MCF2L: variants seen among roughly 807,000 people sequenced by gnomAD.
MCF2L encodes the protein guanine nucleotide exchange factor DBS.
In MCF2L, 97 loss-of-function variants were observed where a neutral mutation model predicts 153.4. The ratio of observed to expected loss-of-function variants is 0.63; its 90% CI spans 0.54 to 0.75. MCF2L has a LOEUF of 0.75. Among genes scored for constraint, MCF2L ranks in the 30% least tolerant of loss-of-function variants. The probability of loss-of-function intolerance (pLI) is 0.00; values close to 1 mark genes in which losing one functional copy is unlikely to be tolerated. For synonymous variants in MCF2L, 659 were observed against 632.2 expected (o/e 1.04, Z -0.64); for missense variants, 1,347 against 1,495.2 (o/e 0.90, Z 1.64).
intron 2 of MCF2L, among the ~76,000 whole-genome samples, chr13:112,925,557 T>C (rs1255942990): frequency 1.3e-5 from 2 of 152,134 alleles, no homozygotes; most frequent in African/African-American, 4.8e-5. Flanking sequence ...AATAAACCAC[T>C]ACAACATGCC....
chr13:113,090,045 A>G lies in MCF2L; in HGVS notation c.2953+317A>G, dbSNP rs115699323. ...CATCGGGTTGCGATGCCCTCTGCAT[A>G]GTTTCTTTCTCTTCCTTCATAGATG... On this transcript the variant is annotated intron_variant, in intron 26 of 29. Coordinates refer to ENST00000535094, the MANE Select transcript of MCF2L (RefSeq NM_001112732.3). The G allele has an allele frequency of 7.3e-4, 1,155 of 1,584,678 alleles. 8 individuals are homozygous for G. The African/African-American group carries it at 0.013, about 18-fold the overall frequency.
upstream of MCF2L, chr13:112,965,923 AC>A (rs940776518): frequency 2.0e-4 from 30 of 152,014 alleles, no homozygotes; most frequent in Admixed American, 1.9e-3. Flanking sequence ...CCTGTCGGGA[AC>A]TCTGTGGATG....
rs1459468426 is a variant in MCF2L at position 113,028,303 on chromosome 13, A to AT, written c.278+3546dup. On this transcript the variant is annotated intron_variant, in intron 3 of 29. Transcript: ENST00000535094. The surrounding 1 kb of genome is among the most constrained non-coding windows in gnomAD (Gnocchi z 5.4). ...AATCTGCAGCACTCAAAGGCCACCC[A>AT]TCAAGGCCATAAGAGTGTGGTAGGC... 6.6e-6 allele frequency among the ~76,000 whole-genome samples: 1 copy of AT among 152,282 alleles called. No individual in the cohort carries two copies. Among genetic ancestry groups the AT allele is most frequent in the East Asian group, 1.9e-4 (1 of 5,172 alleles).
intron 2 of MCF2L, among the ~76,000 whole-genome samples, chr13:112,944,023 G>GTCCCGGGT (rs1482858203): frequency 6.7e-6 from 1 of 149,364 alleles, no homozygotes; most frequent in African/African-American, 2.5e-5. Context: ...TGAGGGGAGG[G>GTCCCGGGT]GAGGATCCTA....
At chr13:113,026,121 G>C (rs373422933) in intron 3 of MCF2L, among the ~76,000 whole-genome samples, 35 of 45,306 alleles carry the variant, frequency 7.7e-4, no homozygotes, top group Non-Finnish European at 1.2e-3. Flanking sequence ...TTTCATCATG[G>C]TGGGGTCCCC....
At chr13:113,033,319 T>TGGCGTGA (rs2085891445) in intron 3 of MCF2L, among the ~76,000 whole-genome samples, 1 of 14,866 alleles carries the variant, frequency 6.7e-5, no homozygotes, top group Non-Finnish European at 1.3e-4. Context: ...GAGTGGCCCC[T>TGGCGTGA]GTGGCGTGAG....
chr13:113,090,900 G>A, intron 26 of MCF2L: 1 of 1,176,406 alleles, frequency 8.5e-7, no homozygotes, highest in Non-Finnish European at 1.1e-6. Context: ...ACGCCTCTGA[G>A]TGCCGCAGCC....
intron 3 of MCF2L, among the ~76,000 whole-genome samples, chr13:113,037,832 C>T (rs1297552975): frequency 6.6e-6 from 1 of 152,068 alleles, no homozygotes; most frequent in Non-Finnish European, 1.5e-5. Context: ...AGGCAGACAA[C>T]AAGACAAGAA....
chr13:112,928,676 T>C (rs993119532), intron 2 of MCF2L, among the ~76,000 whole-genome samples: 1 of 152,226 alleles, frequency 6.6e-6, no homozygotes, highest in Admixed American at 6.5e-5. Context: ...AACTTTACTT[T>C]GCCTGTTGTA....
intron 1 of MCF2L, among the ~76,000 whole-genome samples, chr13:113,012,349 CGG>C (rs2084201169): frequency 1.2e-5 from 1 of 84,876 alleles, no homozygotes; most frequent in Admixed American, 1.2e-4. Context: ...GCAGTGTGGA[CGG>C]TGGACACTGT....
At chr13:113,010,906 G>A (rs1455300159) in intron 1 of MCF2L, among the ~76,000 whole-genome samples, 1 of 152,236 alleles carries the variant, frequency 6.6e-6, no homozygotes, top group East Asian at 1.9e-4. Flanking sequence ...CCTGTCTCCT[G>A]AACTGAGTGG....
intron 2 of MCF2L, among the ~76,000 whole-genome samples, chr13:112,911,693 C>T (rs1030113022): frequency 1.1e-4 from 17 of 152,258 alleles, no homozygotes; most frequent in African/African-American, 4.1e-4. Context: ...GAGGGCGCGG[C>T]GGGCCTGCGC....
chr13:113,063,277 T>C (rs939387691), intron 5 of MCF2L, among the ~76,000 whole-genome samples: 1 of 152,174 alleles, frequency 6.6e-6, no homozygotes, highest in African/African-American at 2.4e-5. Flanking sequence ...CAGGCGCCCC[T>C]GTCCACACAG....
intron 2 of MCF2L, among the ~76,000 whole-genome samples, chr13:112,906,012 C>T (rs965316363): frequency 6.6e-6 from 1 of 152,210 alleles, no homozygotes; most frequent in African/African-American, 2.4e-5. Flanking sequence ...TCCCGTCCAA[C>T]TTCCCTGTTC....
At chr13:112,921,713 A>G (rs977491594) in intron 2 of MCF2L, among the ~76,000 whole-genome samples, 1 of 152,242 alleles carries the variant, frequency 6.6e-6, no homozygotes, top group Non-Finnish European at 1.5e-5. Flanking sequence ...ACACTGTCCT[A>G]GACGTTAAGA....
chr13:113,071,979 T>C (rs2141890091), intron 9 of MCF2L, among the ~76,000 whole-genome samples: 1 of 152,356 alleles, frequency 6.6e-6, no homozygotes, highest in South Asian at 2.1e-4. Context: ...GTGTTGACTC[T>C]TCTAGTCAAC....
intron 2 of MCF2L, among the ~76,000 whole-genome samples, chr13:112,959,617 C>T (rs1247788284): frequency 1.3e-5 from 2 of 152,120 alleles, no homozygotes; most frequent in African/African-American, 4.8e-5. Context: ...CTCCATGTTT[C>T]CATGCGTTTG....
In MCF2L at chr13:113,065,126, C is replaced by T. The variant is rs57609332; in HGVS notation, c.756+41C>T. 180 of 1,604,918 alleles carry T rather than the reference C, an allele frequency of 1.1e-4. 2 individuals carry two copies. The East Asian group carries it at 3.6e-3, about 32-fold the overall frequency. On this transcript the variant is annotated intron_variant, in intron 7 of 29. Transcript: ENST00000535094. ...TCCGGCTGGAAGCTGTGGGGGGCTC[C>T]GGTCAGTCAGAAGCTGCGCGGGGCT...
At position 113,066,180 on chromosome 13, in the gene MCF2L, G is replaced by A. The variant is rs1440893459; in HGVS notation, c.881+10G>A. 14 of 1,601,478 alleles carry A rather than the reference G, an allele frequency of 8.7e-6. No homozygotes were observed. Among genetic ancestry groups the A allele is most frequent in the African/African-American group, 4.0e-5 (3 of 74,916 alleles). On this transcript the variant is annotated intron_variant, in intron 8 of 29. Coordinates refer to ENST00000535094, the MANE Select transcript of MCF2L (RefSeq NM_001112732.3). The stretch of plus-strand genomic sequence containing the variant: ...AGGCCACCGTGCAGAGGTGAGGCCC[G>A]GCTGCCTTCCTGCCCTCATCCTGTC...
Sources: gnomAD v4.1 joint callset for allele counts (sites outside exome capture counted in the v4.1 genomes callset) on GRCh38, gnomAD v4.1.1 for gene constraint, Gnocchi (gnomAD v3.1) non-coding constraint, MANE v1.5 for transcripts, NCBI Gene and HGNC (gene_info 2026-07-23, HGNC 2026-07-21) for gene names.